FABP12: variants seen among roughly 807,000 people sequenced by gnomAD.
FABP12 encodes fatty acid binding protein 12, also known as fatty acid-binding protein 12.
Under a neutral mutation model 13.7 loss-of-function variants are expected in FABP12, and 19 were observed. The observed-to-expected ratio is 1.39, with a 90% CI of 0.97 to 2.04. The LOEUF is 2.04. FABP12 is among the 30% of genes most tolerant of loss of function. The pLI is 0.00. For missense variants in FABP12, 182 were observed against 164.2 expected (o/e 1.11, Z -0.59); for synonymous variants, 61 against 57.0 (o/e 1.07, Z -0.32).
intron 1 of FABP12, among the ~76,000 whole-genome samples, chr8:81,554,760 G>T (rs990158130): frequency 1.3e-5 from 2 of 151,730 alleles, no homozygotes. Flanking sequence ...AATTGTCTCG[G>T]GCTACATATA....
At chr8:81,559,591 A>G (rs1035556483) in intron 1 of FABP12, among the ~76,000 whole-genome samples, 1 of 151,968 alleles carries the variant, frequency 6.6e-6, no homozygotes, top group Admixed American at 6.5e-5. Context: ...GTTTTCTGCA[A>G]CTATAATAAA....
At chr8:81,584,065 A>G (rs954142579) in intron 1 of FABP12, among the ~76,000 whole-genome samples, 21 of 152,236 alleles carry the variant, frequency 1.4e-4, no homozygotes, top group Middle Eastern at 3.2e-3. Flanking sequence ...GATACATCCT[A>G]TCAATAGGCT....
intron 1 of FABP12, among the ~76,000 whole-genome samples, chr8:81,551,380 A>T (rs1364764329): frequency 1.3e-5 from 2 of 152,030 alleles, no homozygotes; most frequent in African/African-American, 2.4e-5. Context: ...AAAGTTTTGC[A>T]CTCTACCAGT....
intron 1 of FABP12, among the ~76,000 whole-genome samples, chr8:81,572,115 T>C (rs543331873): frequency 6.8e-6 from 1 of 148,016 alleles, no homozygotes; most frequent in South Asian, 2.3e-4. Context: ...CCTCCCACTC[T>C]TCCCCCCCAA....
At chr8:81,559,250 T>C (rs371554393) in intron 1 of FABP12, among the ~76,000 whole-genome samples, 24 of 152,328 alleles carry the variant, frequency 1.6e-4, no homozygotes, top group African/African-American at 5.5e-4. Context: ...ACTTTGCAAG[T>C]CTAGACCATA....
chr8:81,586,099 G>A (rs62514789), intron 1 of FABP12, among the ~76,000 whole-genome samples: 134 of 152,024 alleles, frequency 8.8e-4, no homozygotes, highest in Non-Finnish European at 1.5e-3. Context: ...GCAACATTTG[G>A]TTTTCTATTC....
At position 81,552,779 on chromosome 8, in the gene FABP12, T is replaced by G. The variant is rs553139390; in HGVS notation, c.-184-13036A>C. The stretch of plus-strand genomic sequence containing the variant: ...GATGATGAATATTTGAAGAATTGAT[T>G]GGATATAGTAGGTAACTTAGAAGAA... On this transcript the variant is annotated intron_variant, in intron 1 of 5. Coordinates refer to the FABP12 transcript ENST00000692030. Among the ~76,000 whole-genome samples the G allele has an allele frequency of 9.9e-5, 15 of 152,192 alleles. No homozygotes were observed. The East Asian group carries it at 2.1e-3, about 22-fold the overall frequency.
chr8:81,571,263 G>A (rs1035278645), intron 1 of FABP12, among the ~76,000 whole-genome samples: 2 of 152,240 alleles, frequency 1.3e-5, no homozygotes, highest in Non-Finnish European at 2.9e-5. Flanking sequence ...GGGCAAGTGG[G>A]GGACCTTCCC....
intron 1 of FABP12, among the ~76,000 whole-genome samples, chr8:81,586,835 G>T (rs1810247260): frequency 6.6e-6 from 1 of 152,252 alleles, no homozygotes; most frequent in Admixed American, 6.5e-5. Flanking sequence ...TGTTGTAATT[G>T]CTTTTGGAGT....
At chr8:81,571,184 G>T (rs1306585539) in intron 1 of FABP12, among the ~76,000 whole-genome samples, 1 of 152,220 alleles carries the variant, frequency 6.6e-6, no homozygotes, top group Admixed American at 6.5e-5. Context: ...ACCCAGCTCT[G>T]AGATCAAAGC....
chr8:81,538,816 C>A (rs1216894621), upstream of FABP12, among the ~76,000 whole-genome samples: 1 of 151,930 alleles, frequency 6.6e-6, no homozygotes, highest in Non-Finnish European at 1.5e-5. Context: ...ATCTTAGGGA[C>A]CTTTATGTTT....
At chr8:81,572,165 C>T (rs1203037987) in intron 1 of FABP12, among the ~76,000 whole-genome samples, 1 of 151,768 alleles carries the variant, frequency 6.6e-6, no homozygotes, top group African/African-American at 2.4e-5. Flanking sequence ...GCCTTTGCAT[C>T]CTCATAGCTT....
intron 1 of FABP12, among the ~76,000 whole-genome samples, chr8:81,559,460 C>G (rs1225952897): frequency 6.6e-6 from 1 of 152,176 alleles, no homozygotes; most frequent in Admixed American, 6.5e-5. Context: ...TGGGTCTAGG[C>G]CCCACTTCCT....
chr8:81,562,475 T>C (rs1194633381), intron 1 of FABP12, among the ~76,000 whole-genome samples: 1 of 152,088 alleles, frequency 6.6e-6, no homozygotes, highest in Non-Finnish European at 1.5e-5. Flanking sequence ...CATCTTGGGG[T>C]TCCCAATTCT....
Position 81,539,405 on chromosome 8 carries a change from G to A in FABP12, c.-59+213C>T, listed in dbSNP as rs1872573. On this transcript the variant is annotated intron_variant, in intron 2 of 5. Transcript: ENST00000692030. ...TAAATTTTTTCTGAAGTTCATGTAA[G>A]AAAAACATTTTCCTTACTTCTTTAG... is the stretch of plus-strand genomic sequence containing the variant. Among the ~76,000 whole-genome samples, 18 of 114,400 alleles carry A rather than the reference G, an allele frequency of 1.6e-4. No individual in the cohort carries two copies. The East Asian group carries it at 3.8e-3, about 24-fold the overall frequency. 75.1% of individuals were successfully genotyped at this position (114,400 alleles called of 152,430 possible). A position where few individuals can be genotyped will look rare whatever the true frequency, so the allele number is the denominator to read the frequency against.
At chr8:81,541,034 G>A (rs1334872180) in intron 1 of FABP12, among the ~76,000 whole-genome samples, 5 of 151,952 alleles carry the variant, frequency 3.3e-5, no homozygotes. Flanking sequence ...AGGTTTGGTG[G>A]TGGGTGCCTG....
At chr8:81,573,493 G>C (rs1809971634) in intron 1 of FABP12, among the ~76,000 whole-genome samples, 1 of 152,012 alleles carries the variant, frequency 6.6e-6, no homozygotes, top group East Asian at 1.9e-4. Flanking sequence ...GAAGAATGAT[G>C]GTGGTATTTT....
In FABP12 at chr8:81,554,850, G is replaced by A. The variant is rs187507572; in HGVS notation, c.-184-15107C>T. ...ACAAATCTCATAAGGTTCTAAGAAA[G>A]TTTACGAATTTGTGTTGGGCGGCAT... On this transcript the variant is annotated intron_variant, in intron 1 of 5. Transcript: ENST00000692030. Among the ~76,000 whole-genome samples, 9 of 152,170 alleles carry A rather than the reference G, an allele frequency of 5.9e-5. 1 individual carries two copies. In the South Asian group the frequency reaches 1.5e-3, roughly 25 times the overall value.
At position 81,584,067 on chromosome 8, in the gene FABP12, C is replaced by T. The variant is rs540626554; in HGVS notation, c.-185+5986G>A. Among the ~76,000 whole-genome samples, 3 of 152,296 alleles carry T rather than the reference C, an allele frequency of 2.0e-5. No homozygotes were observed. The East Asian group carries it at 5.8e-4, about 29-fold the overall frequency. Reference sequence around the variant, plus strand: ...AATCAGTCAATGTGATACATCCTATCAATAGGCTGAAGGACAAAAAACATA... The same window carrying T: ...AATCAGTCAATGTGATACATCCTATTAATAGGCTGAAGGACAAAAAACATA... On this transcript the variant is annotated intron_variant, in intron 1 of 5. Coordinates refer to the FABP12 transcript ENST00000692030.
Sources: gnomAD v4.1 joint callset for allele counts (sites outside exome capture counted in the v4.1 genomes callset) on GRCh38, gnomAD v4.1.1 for gene constraint, MANE v1.5 for transcripts, NCBI Gene and HGNC (gene_info 2026-07-23, HGNC 2026-07-21) for gene names.